Variants in WWOX observed in about 807,000 individuals in gnomAD.
The protein encoded by WWOX is WW domain-containing oxidoreductase.
In WWOX, 69 loss-of-function variants were observed where a neutral mutation model predicts 46.2. That is an observed-to-expected ratio of 1.49 (90% CI 1.23 to 1.82). The LOEUF is 1.82. WWOX is among the 40% of genes most tolerant of loss of function. The pLI is 0.00. For missense variants in WWOX, 919 were observed against 542.6 expected, an observed-to-expected ratio of 1.69 and a Z score of -6.89; for synonymous variants, 359 against 202.6, an observed-to-expected ratio of 1.77 and a Z score of -6.56.
chr16:78,250,364 C>A (rs987934030), intron 5 of WWOX, among the ~76,000 whole-genome samples: 1 of 152,202 alleles, frequency 6.6e-6, no homozygotes, highest in Non-Finnish European at 1.5e-5. Context: ...ATGTAACCTC[C>A]ATCTGCCTTT....
intron 8 of WWOX, among the ~76,000 whole-genome samples, chr16:78,678,970 C>T (rs1005499235): frequency 1.3e-5 from 2 of 152,144 alleles, no homozygotes; most frequent in African/African-American, 2.4e-5. Flanking sequence ...CAGCCTGGCC[C>T]TAGACCCTTT....
At position 78,295,237 on chromosome 16, in the gene WWOX, G is replaced by A. The variant is rs73574525; in HGVS notation, c.517-91623G>A. Among the ~76,000 whole-genome samples, 765 of 152,284 alleles carry A rather than the reference G, an allele frequency of 5.0e-3. 6 individuals carry two copies. Among genetic ancestry groups the A allele is most frequent in the African/African-American group, 0.018 (733 of 41,562 alleles). ...GTGTTAGAGCAGAGAGAGTGGCGAG[G>A]ATTAATCTAGACTGAAATGTGCTAA... On this transcript the variant is annotated intron_variant, in intron 5 of 8. Transcript: ENST00000566780.
intron 8 of WWOX, among the ~76,000 whole-genome samples, chr16:78,871,064 A>T (rs144275369): frequency 2.6e-5 from 4 of 152,344 alleles, no homozygotes; most frequent in Non-Finnish European, 4.4e-5. Flanking sequence ...TTTTTAAATT[A>T]TCCCCTATAG....
chr16:78,941,363 C>T (rs1254086508), intron 8 of WWOX, among the ~76,000 whole-genome samples: 1 of 152,134 alleles, frequency 6.6e-6, no homozygotes. Context: ...AGTTTCCCCG[C>T]CTTGGAAGCT....
intron 6 of WWOX, among the ~76,000 whole-genome samples, chr16:78,399,283 A>C (rs1350171111): frequency 1.3e-5 from 2 of 152,224 alleles, no homozygotes; most frequent in African/African-American, 4.8e-5. Flanking sequence ...TCTTGAGTTG[A>C]TACCTCCTTG....
chr16:79,166,226 C>T (rs1031658381), intron 8 of WWOX, among the ~76,000 whole-genome samples: 2 of 152,158 alleles, frequency 1.3e-5, no homozygotes, highest in South Asian at 4.1e-4. Context: ...GGAGGCAGAG[C>T]ACTGAGTTGC....
At chr16:79,167,024 T>G (rs2050607995) in intron 8 of WWOX, among the ~76,000 whole-genome samples, 1 of 152,082 alleles carries the variant, frequency 6.6e-6, no homozygotes, top group African/African-American at 2.4e-5. Flanking sequence ...CTCTGCAACC[T>G]CCACCTCCCA....
intron 8 of WWOX, among the ~76,000 whole-genome samples, chr16:78,601,635 G>C (rs901137806): frequency 6.6e-6 from 1 of 152,172 alleles, no homozygotes; most frequent in Non-Finnish European, 1.5e-5. Context: ...AAATCAAGAA[G>C]CTATGAATAC....
At chr16:78,909,431 G>T (rs992518354) in intron 8 of WWOX, among the ~76,000 whole-genome samples, 1 of 152,188 alleles carries the variant, frequency 6.6e-6, no homozygotes, top group Non-Finnish European at 1.5e-5. Flanking sequence ...AAACAAGGAG[G>T]TTGAACAACC....
At chr16:78,907,820 C>G (rs1009567873) in intron 8 of WWOX, among the ~76,000 whole-genome samples, 5 of 152,036 alleles carry the variant, frequency 3.3e-5, no homozygotes, top group Admixed American at 6.6e-5. Flanking sequence ...AACAGGACTA[C>G]CAGGAATCCT....
chr16:78,829,004 G>C (rs1448331815), intron 8 of WWOX, among the ~76,000 whole-genome samples: 4 of 152,116 alleles, frequency 2.6e-5, no homozygotes, highest in Non-Finnish European at 5.9e-5. Flanking sequence ...TAAACCCTTG[G>C]ACTTCTTCTC....
chr16:79,094,155 A>G (rs79839452), intron 8 of WWOX, among the ~76,000 whole-genome samples: 2,080 of 152,062 alleles, frequency 0.014, 48 homozygotes, highest in African/African-American at 0.045. Context: ...ACAACTGTGC[A>G]TGTAGGGTTG....
chr16:78,377,077 C>G (rs1003558271), intron 5 of WWOX, among the ~76,000 whole-genome samples: 1 of 152,242 alleles, frequency 6.6e-6, no homozygotes, highest in African/African-American at 2.4e-5. Context: ...TTATCACTGA[C>G]TTCCCCGAAG....
At chr16:78,454,501 G>C (rs1286486679) in intron 8 of WWOX, among the ~76,000 whole-genome samples, 2 of 151,700 alleles carry the variant, frequency 1.3e-5, no homozygotes, top group African/African-American at 2.4e-5. Context: ...TTGTTTGTTT[G>C]TTTGTTTCTT....
At chr16:79,067,261 A>G (rs779802273) in intron 8 of WWOX, among the ~76,000 whole-genome samples, 10 of 152,160 alleles carry the variant, frequency 6.6e-5, no homozygotes, top group Non-Finnish European at 1.3e-4. Flanking sequence ...ATCAGATCAA[A>G]GTTTTCTAAA....
chr16:78,621,283 A>G (rs1294280575), intron 8 of WWOX, among the ~76,000 whole-genome samples: 1 of 152,102 alleles, frequency 6.6e-6, no homozygotes, highest in East Asian at 1.9e-4. Context: ...TGAACTTTCC[A>G]TTAACTCACA....
intron 8 of WWOX, among the ~76,000 whole-genome samples, chr16:78,882,189 T>A (rs2044356760): frequency 6.6e-6 from 1 of 152,224 alleles, no homozygotes; most frequent in Non-Finnish European, 1.5e-5. Context: ...TTTTTAATTA[T>A]TAAGAATAAG....
At chr16:78,113,483 G>C (rs942109360) in intron 3 of WWOX, among the ~76,000 whole-genome samples, 1 of 152,104 alleles carries the variant, frequency 6.6e-6, no homozygotes, top group Non-Finnish European at 1.5e-5. Flanking sequence ...GAAACAGGCA[G>C]TGGGCCAGAT....
chr16:79,064,505 C>G (rs2048408579), intron 8 of WWOX, among the ~76,000 whole-genome samples: 1 of 152,224 alleles, frequency 6.6e-6, no homozygotes, highest in Non-Finnish European at 1.5e-5. Context: ...TGAGGCGTGT[C>G]TAGGAACGCA....
Sources: allele counts gnomAD v4.1 joint callset (sites outside exome capture counted in the v4.1 genomes callset), GRCh38; gene constraint gnomAD v4.1.1; transcripts MANE v1.5; gene names NCBI Gene and HGNC (gene_info 2026-07-23, HGNC 2026-07-21).